Variants in SDK1 observed in about 807,000 individuals in gnomAD.
SDK1 encodes the protein protein sidekick-1.
A neutral mutation model predicts 245.5 loss-of-function variants in SDK1; 157 were observed. The observed-to-expected ratio is 0.64, with a 90% confidence interval of 0.56 to 0.73. The LOEUF (loss-of-function observed/expected upper bound fraction) is 0.73, where lower values mean the gene tolerates loss of function less well. Ranked by LOEUF, SDK1 falls within the 30% of genes least tolerant of loss-of-function variation. The pLI, the probability that SDK1 is intolerant of heterozygous loss-of-function variation, is 0.00. For missense variants in SDK1, 3,583 were observed against 3,002.3 expected, an observed-to-expected ratio of 1.19 and a Z score of -4.52; for synonymous variants, 1,647 against 1,278.5, an observed-to-expected ratio of 1.29 and a Z score of -6.15.
intron 5 of SDK1, among the ~76,000 whole-genome samples, chr7:3,939,401 C>A (rs6462476): frequency 6.6e-6 from 1 of 152,076 alleles, no homozygotes; most frequent in Non-Finnish European, 1.5e-5. Context: ...GGGGCTGGGC[C>A]AGTACAGATT....
At chr7:3,326,155 A>G (rs1041826871) in intron 1 of SDK1, among the ~76,000 whole-genome samples, 2 of 152,182 alleles carry the variant, frequency 1.3e-5, no homozygotes, top group African/African-American at 4.8e-5. Context: ...TGCAAATTGT[A>G]GAGTATATAA....
chr7:4,065,025 T>A (rs1779779798), intron 19 of SDK1, among the ~76,000 whole-genome samples: 2 of 152,090 alleles, frequency 1.3e-5, no homozygotes, highest in Non-Finnish European at 2.9e-5. Context: ...CAGCTAACAA[T>A]GATGTATATT....
intron 30 of SDK1, among the ~76,000 whole-genome samples, chr7:4,156,073 G>A (rs983002481): frequency 9.2e-5 from 14 of 152,156 alleles, no homozygotes; most frequent in African/African-American, 3.1e-4. Flanking sequence ...TCAGTTTCAC[G>A]ATGCCTGTGC....
At chr7:3,886,872 C>A (rs1335056427) in intron 5 of SDK1, among the ~76,000 whole-genome samples, 1 of 152,162 alleles carries the variant, frequency 6.6e-6, no homozygotes, top group East Asian at 1.9e-4. Flanking sequence ...GCTGTAATCA[C>A]ACTACTGCAC....
chr7:3,591,181 A>G (rs905980321), intron 1 of SDK1, among the ~76,000 whole-genome samples: 3 of 152,222 alleles, frequency 2.0e-5, no homozygotes, highest in African/African-American at 4.8e-5. Context: ...AGGCAGTTCA[A>G]GGTGTTAACC....
At chr7:4,023,021 G>C (rs1159839486) in intron 17 of SDK1, among the ~76,000 whole-genome samples, 2 of 152,036 alleles carry the variant, frequency 1.3e-5, no homozygotes, top group African/African-American at 4.8e-5. Flanking sequence ...TGATCCGCCT[G>C]CCTCGGCCTC....
chr7:3,916,340 C>G (rs1779380047), intron 5 of SDK1, among the ~76,000 whole-genome samples: 1 of 152,220 alleles, frequency 6.6e-6, no homozygotes, highest in Non-Finnish European at 1.5e-5. Context: ...TCATAGCTGT[C>G]TGTTTGGGAA....
chr7:3,524,819 T>C (rs1783066297), intron 1 of SDK1, among the ~76,000 whole-genome samples: 1 of 151,880 alleles, frequency 6.6e-6, no homozygotes, highest in African/African-American at 2.4e-5. Context: ...AGAAAAAAAA[T>C]TGGAGGGTCA....
chr7:3,520,036 A>G (rs1202368355), intron 1 of SDK1, among the ~76,000 whole-genome samples: 1 of 152,148 alleles, frequency 6.6e-6, no homozygotes, highest in African/African-American at 2.4e-5. Context: ...GCATTTGGGA[A>G]AGAAAGGTTA....
chr7:3,845,971 T>A (rs1041090234), intron 5 of SDK1, among the ~76,000 whole-genome samples: 1 of 152,222 alleles, frequency 6.6e-6, no homozygotes, highest in Admixed American at 6.5e-5. Context: ...TTAATAATTT[T>A]AGACCGTATT....
At position 4,042,693 on chromosome 7, in the gene SDK1, C is replaced by G. The variant is rs1348578372; in HGVS notation, c.2603-6655C>G. Reference sequence around the variant, plus strand: ...GAGGCCACGCTGCACACTTGAAACCCCTTTTGCCTTGACTTTTCTGCAGCA... The same window carrying G: ...GAGGCCACGCTGCACACTTGAAACCGCTTTTGCCTTGACTTTTCTGCAGCA... On this transcript the variant is annotated intron_variant, in intron 17 of 44. Transcript: ENST00000404826. Among the ~76,000 whole-genome samples the G allele has an allele frequency of 3.3e-5, 5 of 152,152 alleles. No homozygotes were observed. The East Asian group carries it at 9.6e-4, about 29-fold the overall frequency.
At position 4,178,522 on chromosome 7, in the gene SDK1, C is replaced by G; in HGVS notation, c.5034C>G (p.Thr1678=). The change falls in exon 35 of 45, where the codon ACC becomes ACG. Residue 1678 remains threonine (T), a synonymous_variant. Coordinates refer to ENST00000404826, the MANE Select transcript of SDK1 (RefSeq NM_152744.4). ...KKYRRYEVIM[T]AYNIIGESPA... ...ACCGGCGCTATGAAGTAATAATGACCGCCTATAACATCATCGGCGAGAGCC... is the reference window on the plus strand; with the variant it reads ...ACCGGCGCTATGAAGTAATAATGACGGCCTATAACATCATCGGCGAGAGCC... 6.2e-7 allele frequency: 1 copy of G among 1,613,882 alleles called. No individual in the cohort carries two copies. The highest frequency in any genetic ancestry group is 8.5e-7 in the Non-Finnish European group (1 of 1,179,948).
At chr7:3,550,097 T>C (rs1010028365) in intron 1 of SDK1, among the ~76,000 whole-genome samples, 1 of 152,158 alleles carries the variant, frequency 6.6e-6, no homozygotes, top group Non-Finnish European at 1.5e-5. Context: ...ACAAATCATA[T>C]ACATGGGCAT....
chr7:3,351,969 A>G (rs1015803240), intron 1 of SDK1, among the ~76,000 whole-genome samples: 1 of 152,092 alleles, frequency 6.6e-6, no homozygotes, highest in African/African-American at 2.4e-5. Context: ...TTGATTACAT[A>G]TAGGAATATA....
intron 22 of SDK1, among the ~76,000 whole-genome samples, chr7:4,100,752 T>TA (rs956579770): frequency 1.5e-4 from 23 of 151,956 alleles, no homozygotes; most frequent in Admixed American, 5.9e-4. Flanking sequence ...CACAGTCGCC[T>TA]AGTGGGGAAG....
chr7:3,875,354 T>A (rs932574850), intron 5 of SDK1, among the ~76,000 whole-genome samples: 5 of 152,244 alleles, frequency 3.3e-5, no homozygotes, highest in Admixed American at 6.5e-5. Flanking sequence ...AAGTTTGCTG[T>A]AGCCAGTTTC....
intron 2 of SDK1, among the ~76,000 whole-genome samples, chr7:3,621,080 A>C (rs993260238): frequency 6.6e-6 from 1 of 152,146 alleles, no homozygotes; most frequent in Non-Finnish European, 1.5e-5. Flanking sequence ...AGCGTTTGCA[A>C]AATGGGAAAG....
chr7:3,985,993 C>A (rs2128138743), intron 13 of SDK1, among the ~76,000 whole-genome samples: 1 of 152,268 alleles, frequency 6.6e-6, no homozygotes, highest in Non-Finnish European at 1.5e-5. Flanking sequence ...TCAGCATCCC[C>A]TCTTCCCGGC....
At position 3,316,951 on chromosome 7, in the gene SDK1, G is replaced by A. The variant is rs542352043; in HGVS notation, c.298+15067G>A. Among the ~76,000 whole-genome samples the A allele has an allele frequency of 6.1e-4, 92 of 152,032 alleles. 1 individual carries two copies. The highest frequency in any genetic ancestry group is 2.0e-3 in the African/African-American group (84 of 41,482). ...TTTTGGCATTTTGGGAGGCTGAGGT[G>A]GGCAGATCTCTTGAGGCCAGGAGTT... On this transcript the variant is annotated intron_variant, in intron 1 of 44. Coordinates refer to ENST00000404826, the MANE Select transcript of SDK1 (RefSeq NM_152744.4).
Sources: gnomAD v4.1 joint callset for allele counts (sites outside exome capture counted in the v4.1 genomes callset) on GRCh38, gnomAD v4.1.1 for gene constraint, MANE v1.5 for transcripts, NCBI Gene and HGNC (gene_info 2026-07-23, HGNC 2026-07-21) for gene names.